Variants in AGRN observed in about 807,000 individuals in gnomAD.
The protein encoded by AGRN is agrin proteoglycan.
In AGRN, 106 loss-of-function variants were observed where a neutral mutation model predicts 211.0. The ratio of observed to expected loss-of-function variants is 0.50; its 90% confidence interval spans 0.43 to 0.59. AGRN has a LOEUF of 0.59. Ranked by LOEUF, AGRN falls within the 20% of genes least tolerant of loss-of-function variation. AGRN has a pLI of 0.00. For missense variants in AGRN, 3,040 were observed against 2,982.6 expected (o/e 1.02, Z -0.45); for synonymous variants, 1,525 against 1,332.5 (o/e 1.14, Z -3.15).
Position 1,049,530 on chromosome 1 carries a change from C to T in AGRN, c.4515-36C>T, listed in dbSNP as rs527660578. On this transcript the variant is annotated intron_variant, in intron 25 of 35. Coordinates refer to ENST00000379370, the MANE Select transcript of AGRN (RefSeq NM_198576.4). ...TGTACGAGGTGGCTTTGCCTGTGGC[C>T]CCTGAGCCCTGACCCGGTGTCCCTC... The T allele has an allele frequency of 7.2e-5, 115 of 1,590,160 alleles. No individual in the cohort carries two copies. The Middle Eastern group carries it at 1.3e-3, about 18-fold the overall frequency.
Position 1,045,784 on chromosome 1 carries a change from CG to C in AGRN, c.2592del (p.Leu865CysfsTer86). 1 of 1,613,322 alleles carries C rather than the reference CG, an allele frequency of 6.2e-7. No individual in the cohort carries two copies. Among genetic ancestry groups the C allele is most frequent in the Non-Finnish European group, 8.5e-7 (1 of 1,179,948 alleles). ...GTGCGGGATGACTGTGAGCAGATGA[CG>C]GGGCTGTGCTCGTGTAAGCCCGGGG... ...GAVRDDCEQM[T>X]GLCSCKPGVA... is the part of the protein sequence containing the mutation. On this transcript the variant is annotated frameshift_variant, in exon 15 of 36. Coordinates refer to ENST00000379370, the MANE Select transcript of AGRN (RefSeq NM_198576.4). LOFTEE classifies it high-confidence loss of function.
At chr1:1,039,418 G>GGGA (rs143039255) in intron 3 of AGRN, among the ~76,000 whole-genome samples, 1 of 151,256 alleles carries the variant, frequency 6.6e-6, no homozygotes, top group African/African-American at 2.4e-5. Flanking sequence ...AGATGGGGGG[G>GGGA]GTTCCTCCTG....
At chr1:1,034,194 C>G (rs1337660786) in intron 2 of AGRN, 1 of 985,340 alleles carries the variant, frequency 1.0e-6, no homozygotes, top group Non-Finnish European at 1.2e-6. Context: ...CCGCGCGCAC[C>G]GCCTCTCCGG....
chr1:1,037,806 C>G (rs958725804), intron 3 of AGRN, among the ~76,000 whole-genome samples: 1 of 152,258 alleles, frequency 6.6e-6, no homozygotes, highest in East Asian at 1.9e-4. Flanking sequence ...GGTGGCCTAC[C>G]TTCCTCCTGC....
At chr1:1,022,071 C>CA in intron 1 of AGRN, 130 bp from the exon 2 acceptor site, 1 of 1,214,276 alleles carries the variant, frequency 8.2e-7, no homozygotes. Flanking sequence ...CGGGCTGACT[C>CA]AGAGGTCTCC....
chr1:1,052,692 G>A (rs550453729), intron 33 of AGRN: 1 of 162,848 alleles, frequency 6.1e-6, no homozygotes, highest in East Asian at 1.8e-4. Context: ...GTGTACACAT[G>A]GGTCCATGTA....
At chr1:1,028,411 G>T (rs998346303) in intron 2 of AGRN, among the ~76,000 whole-genome samples, 2 of 151,384 alleles carry the variant, frequency 1.3e-5, no homozygotes, top group African/African-American at 4.8e-5. Flanking sequence ...TGGGGTTGGG[G>T]GCACCGAGCG....
At position 1,048,878 on chromosome 1, in the gene AGRN, C is replaced by T. The variant is rs767337859; in HGVS notation, c.4117C>T (p.Pro1373Ser). The T allele has an allele frequency of 2.6e-6, 4 of 1,539,210 alleles. No homozygotes were observed. The highest frequency in any genetic ancestry group is 3.5e-6 in the Non-Finnish European group (4 of 1,142,322). Residue 1373 changes from proline to serine, a missense_variant, in exon 24 of 36, where the codon CCT becomes TCT. Transcript: ENST00000379370. This position sits in a 1 kb window ranked among gnomAD's most constrained non-coding sequence, Gnocchi z 5.9. ...GTCGCCCTTTGCAGTGCTTGGCGCCCCTGTGCCGGCCTTCGAGGGCCGCTC... is the reference window on the plus strand; with the variant it reads ...GTCGCCCTTTGCAGTGCTTGGCGCCTCTGTGCCGGCCTTCGAGGGCCGCTC... ...GAVCEKVLGA[P>S]VPAFEGRSFL...
chr1:1,036,221 C>A (rs558678268), intron 3 of AGRN, among the ~76,000 whole-genome samples: 3 of 152,250 alleles, frequency 2.0e-5, no homozygotes, highest in Non-Finnish European at 4.4e-5. Flanking sequence ...CTGGATAGAT[C>A]GTCTCGGCCA....
rs535266341 is a variant in AGRN, at chr1:1,053,518, C to T, written c.5652-235C>T. 8.8e-4 allele frequency: 1,348 copies of T among 1,527,964 alleles called. 27 individuals are homozygous for T. The Admixed American group carries it at 0.026, about 29-fold the overall frequency. 94.7% of individuals were successfully genotyped at this position (1,527,964 alleles called of 1,614,324 possible). A position where few individuals can be genotyped will look rare whatever the true frequency, so the allele number is the denominator to read the frequency against. On this transcript the variant is annotated intron_variant, in intron 33 of 35. Transcript: ENST00000379370. Reference sequence around the variant, plus strand: ...GGTGAGCACGTGGCAGCAGTGCCTGCAGACCCCTGGCTGGCCCATCTGTCC... The same window carrying T: ...GGTGAGCACGTGGCAGCAGTGCCTGTAGACCCCTGGCTGGCCCATCTGTCC...
intron 3 of AGRN, among the ~76,000 whole-genome samples, chr1:1,035,932 C>T (rs1003710057): frequency 3.9e-5 from 6 of 152,064 alleles, no homozygotes; most frequent in Non-Finnish European, 7.4e-5. Flanking sequence ...GGTGTTTGGG[C>T]CACTGTCATC....
Position 1,053,876 on chromosome 1 carries a change from C to G in AGRN, c.5775C>G (p.Asp1925Glu). 1 of 1,609,376 alleles carries G rather than the reference C, an allele frequency of 6.2e-7. No individual in the cohort carries two copies. The highest frequency in any genetic ancestry group is 8.5e-7 in the Non-Finnish European group (1 of 1,178,580). The change falls in exon 34 of 36, where the codon GAC becomes GAG. Residue 1925 changes from aspartate (D) to glutamate (E), a missense_variant. This residue lies in a region of AGRN where 1,537 missense variants were observed against 1,505.0 expected (regional missense o/e 1.02). Transcript: ENST00000379370. ...RADYVALAIVDGHLQLSYNLG... is the reference protein window; with the variant it reads ...RADYVALAIVEGHLQLSYNLG... Reference sequence around the variant, plus strand: ...ACTATGTGGCACTGGCCATTGTGGACGGGCACCTGCAACTGAGCTACAACC... The same window carrying G: ...ACTATGTGGCACTGGCCATTGTGGAGGGGCACCTGCAACTGAGCTACAACC...
At chr1:1,034,979 C>T (rs984622296) in intron 2 of AGRN, 23 of 534,150 alleles carry the variant, frequency 4.3e-5, no homozygotes, top group South Asian at 3.1e-4. Context: ...AGGGCAGGAC[C>T]TGCGGTGGAC....
intron 2 of AGRN, among the ~76,000 whole-genome samples, chr1:1,029,290 A>C (rs1288365405): frequency 6.6e-6 from 1 of 151,204 alleles, no homozygotes; most frequent in Non-Finnish European, 1.5e-5. Context: ...GGTGAGGAGA[A>C]CGTGCCTTCC....
At chr1:1,050,983 C>T (rs1467270488) in intron 30 of AGRN, 146 bp downstream of exon 30, 15 of 1,550,990 alleles carry the variant, frequency 9.7e-6, no homozygotes, top group African/African-American at 1.4e-5. Flanking sequence ...CCTCTGCCTC[C>T]CTGCTCTCTG....
At chr1:1,045,648 G>C in intron 14 of AGRN, 85 bp from the exon 15 acceptor site, 1 of 1,610,154 alleles carries the variant, frequency 6.2e-7, no homozygotes, top group Non-Finnish European at 8.5e-7. Flanking sequence ...GCTGGGCAGA[G>C]CCAGGGTTGG....
intron 2 of AGRN, among the ~76,000 whole-genome samples, chr1:1,033,343 G>GCACA (rs1644715264): frequency 6.6e-6 from 1 of 151,794 alleles, no homozygotes; most frequent in African/African-American, 2.4e-5. Context: ...GGGGCCGCGG[G>GCACA]CGCAGACACT....
Position 1,020,271 on chromosome 1 carries a change from G to C in AGRN, c.99G>C (p.Glu33Asp). 6.8e-7 allele frequency: 1 copy of C among 1,469,140 alleles called. No individual in the cohort carries two copies. Among genetic ancestry groups the C allele is most frequent in the Non-Finnish European group, 9.0e-7 (1 of 1,110,288 alleles). The allele number at this position is 1,469,140 out of a possible 1,614,324, so 91.0% of individuals were successfully genotyped here. ...CCGGAGCCGGCGGGACATGCCCGGA[G>C]CGCGCGCTGGAGCGGCGCGAGGAGG... is the stretch of plus-strand genomic sequence containing the variant. ...VLPGAGGTCP[E>D]RALERREEEA... is the part of the protein sequence containing the mutation. Residue 33 changes from glutamate to aspartate, a missense_variant, in exon 1 of 36, where the codon GAG becomes GAC. By Grantham distance (45) the Glu-to-Asp change is conservative. Around this residue, in one of 3 missense-constraint regions of AGRN, gnomAD observed 1,498 missense variants for 1,457.8 expected, o/e 1.03. Coordinates refer to ENST00000379370, the MANE Select transcript of AGRN (RefSeq NM_198576.4).
rs952734110 is a variant in AGRN, at chr1:1,046,754, C to G, written c.3250+19C>G. 1.3e-5 allele frequency: 21 copies of G among 1,577,242 alleles called. No individual in the cohort carries two copies. Among genetic ancestry groups the G allele is most frequent in the Non-Finnish European group, 1.8e-5 (21 of 1,168,730 alleles). ...TCTGGGGGTGAGCAGGGATCAAGGA[C>G]TTGGGGTGGGTGGGCAGGCGCCGAG... On this transcript the variant is annotated intron_variant, in intron 18 of 35. Coordinates refer to ENST00000379370, the MANE Select transcript of AGRN (RefSeq NM_198576.4).
Sources: allele counts gnomAD v4.1 joint callset (sites outside exome capture counted in the v4.1 genomes callset), GRCh38; gene constraint gnomAD v4.1.1; regional missense constraint gnomAD v4.1.1; non-coding constraint Gnocchi (gnomAD v3.1); transcripts MANE v1.5; gene names NCBI Gene and HGNC (gene_info 2026-07-23, HGNC 2026-07-21).